PCSK2: variants seen among roughly 807,000 people sequenced by gnomAD.
The protein encoded by PCSK2 is neuroendocrine convertase 2.
A neutral mutation model predicts 69.7 loss-of-function variants in PCSK2; 14 were observed. The observed-to-expected ratio is 0.20, with a 90% CI of 0.13 to 0.31. The LOEUF (loss-of-function observed/expected upper bound fraction) is 0.31. PCSK2 is among the 10% of genes least tolerant of loss of function. The pLI is 1.00. For missense variants in PCSK2, 544 were observed against 842.5 expected, an observed-to-expected ratio of 0.65 and a Z score of 4.39; for synonymous variants, 307 against 320.7, an observed-to-expected ratio of 0.96 and a Z score of 0.46.
intron 2 of PCSK2, among the ~76,000 whole-genome samples, chr20:17,342,689 A>G (rs543705550): frequency 1.3e-5 from 2 of 151,850 alleles, no homozygotes; most frequent in East Asian, 1.9e-4. Flanking sequence ...ACTGGAGTAC[A>G]GTGGCACGAT....
chr20:17,348,552 G>A (rs1213204942), intron 2 of PCSK2, among the ~76,000 whole-genome samples: 2 of 152,324 alleles, frequency 1.3e-5, no homozygotes, highest in African/African-American at 2.4e-5. Flanking sequence ...GACTGCTGGA[G>A]TGTCGTGTCA....
intron 2 of PCSK2, among the ~76,000 whole-genome samples, chr20:17,307,888 T>C (rs1989377051): frequency 6.6e-6 from 1 of 152,214 alleles, no homozygotes; most frequent in Non-Finnish European, 1.5e-5. Flanking sequence ...TGGCTCATGG[T>C]TCTGCAGGCT....
At chr20:17,408,267 G>A (rs1039944986) in intron 5 of PCSK2, among the ~76,000 whole-genome samples, 1 of 152,026 alleles carries the variant, frequency 6.6e-6, no homozygotes, top group Admixed American at 6.6e-5. Flanking sequence ...GAACTTGAGA[G>A]AGAGCAGCTT....
chr20:17,248,175 G>GGT (rs10640964), intron 1 of PCSK2, among the ~76,000 whole-genome samples: 42,153 of 143,982 alleles, frequency 0.29, 6,380 homozygotes, highest in Admixed American at 0.39. Context: ...TATAAAAAAG[G>GGT]GTGTGTGTGT....
chr20:17,400,155 C>G (rs2031602359), intron 5 of PCSK2, among the ~76,000 whole-genome samples: 1 of 152,296 alleles, frequency 6.6e-6, no homozygotes, highest in South Asian at 2.1e-4. Flanking sequence ...AAATTATTAG[C>G]TAAATGTATA....
intron 2 of PCSK2, among the ~76,000 whole-genome samples, chr20:17,355,196 T>C (rs2030150872): frequency 6.6e-6 from 1 of 152,144 alleles, no homozygotes; most frequent in Non-Finnish European, 1.5e-5. Flanking sequence ...TCTAAATGAG[T>C]TTGGAGTGGT....
chr20:17,329,291 T>C (rs1990149508), intron 2 of PCSK2, among the ~76,000 whole-genome samples: 2 of 152,180 alleles, frequency 1.3e-5, no homozygotes, highest in Non-Finnish European at 2.9e-5. Context: ...TGGGCTGTTT[T>C]ACAAGATGCT....
At chr20:17,272,008 C>T (rs1324528415) in intron 2 of PCSK2, among the ~76,000 whole-genome samples, 1 of 152,118 alleles carries the variant, frequency 6.6e-6, no homozygotes, top group Non-Finnish European at 1.5e-5. Context: ...AAAGCTACTT[C>T]CTTGTAGCGT....
At chr20:17,269,410 A>T (rs1987770998) in intron 2 of PCSK2, among the ~76,000 whole-genome samples, 1 of 152,188 alleles carries the variant, frequency 6.6e-6, no homozygotes, top group South Asian at 2.1e-4. Flanking sequence ...GGTCAAGAGA[A>T]GACCAACTTT....
intron 5 of PCSK2, among the ~76,000 whole-genome samples, chr20:17,380,256 T>A (rs1210896196): frequency 6.6e-6 from 1 of 152,262 alleles, no homozygotes; most frequent in Non-Finnish European, 1.5e-5. Flanking sequence ...ACAAACTGAA[T>A]GACTTGCTGT....
chr20:17,268,062 T>TATATATATATAA (rs1403191827), intron 2 of PCSK2, among the ~76,000 whole-genome samples: 9 of 146,682 alleles, frequency 6.1e-5, no homozygotes, highest in African/African-American at 2.3e-4. Context: ...TATATATATA[T>TATATATATATAA]AATGCATTTA....
chr20:17,304,421 A>T (rs766225102), intron 2 of PCSK2, among the ~76,000 whole-genome samples: 4 of 152,198 alleles, frequency 2.6e-5, no homozygotes, highest in Admixed American at 6.5e-5. Flanking sequence ...AACATTCTTT[A>T]ATCAGCTTTT....
At chr20:17,376,045 C>T (rs1236268331) in intron 5 of PCSK2, among the ~76,000 whole-genome samples, 1 of 152,188 alleles carries the variant, frequency 6.6e-6, no homozygotes, top group Non-Finnish European at 1.5e-5. Flanking sequence ...CAACTGCCTA[C>T]CCACGCCTCT....
At chr20:17,353,157 T>A (rs1023239484) in intron 2 of PCSK2, among the ~76,000 whole-genome samples, 1 of 152,102 alleles carries the variant, frequency 6.6e-6, no homozygotes, top group Non-Finnish European at 1.5e-5. Flanking sequence ...ACAGTCAGAA[T>A]TGCTGATTAA....
chr20:17,310,658 G>A (rs926123359), intron 2 of PCSK2, among the ~76,000 whole-genome samples: 7 of 149,794 alleles, frequency 4.7e-5, no homozygotes, highest in Non-Finnish European at 8.9e-5. Context: ...TTATCTTTAT[G>A]TATCTAGTAG....
chr20:17,479,566 G>T lies in PCSK2; in HGVS notation c.1431-2018G>T, dbSNP rs185180649. ...TGTAATCTCAGCACTTTGGGAGGCCGAGGCAGGCGGATCACAAGGTCAGGA... is the reference window on the plus strand; with the variant it reads ...TGTAATCTCAGCACTTTGGGAGGCCTAGGCAGGCGGATCACAAGGTCAGGA... On this transcript the variant is annotated intron_variant, in intron 11 of 11. Coordinates refer to ENST00000262545, the MANE Select transcript of PCSK2 (RefSeq NM_002594.5). 3.8e-5 allele frequency: 11 copies of T among 285,868 alleles called. No homozygotes were observed. The East Asian group carries it at 9.5e-4, about 25-fold the overall frequency. The allele number at this position is 285,868 out of a possible 1,614,324, so 17.7% of individuals were successfully genotyped here.
At position 17,357,894 on chromosome 20, in the gene PCSK2, C is replaced by CAA. The variant is rs11429693; in HGVS notation, c.283-418_283-417dup. On this transcript the variant is annotated intron_variant, in intron 2 of 11. Coordinates refer to ENST00000262545, the MANE Select transcript of PCSK2 (RefSeq NM_002594.5). ...GGGCAACAAGAGCGAAACTCTGTCT[C>CAA]AAAAAAAAAAAAAAAAGAATACTTT... 8.0e-3 allele frequency among the ~76,000 whole-genome samples: 967 copies of CAA among 120,366 alleles called. 6 individuals carry two copies. Among genetic ancestry groups the CAA allele is most frequent in the African/African-American group, 0.022 (712 of 32,320 alleles). 79.0% of individuals were successfully genotyped at this position (120,366 alleles called of 152,430 possible).
intron 2 of PCSK2, among the ~76,000 whole-genome samples, chr20:17,344,328 C>G (rs546748971): frequency 1.1e-3 from 168 of 152,244 alleles, no homozygotes; most frequent in Non-Finnish European, 2.1e-3. Context: ...CCAAATATTT[C>G]AGACATATGC....
chr20:17,385,906 A>T (rs1467180985), intron 5 of PCSK2, among the ~76,000 whole-genome samples: 3 of 152,210 alleles, frequency 2.0e-5, no homozygotes, highest in Non-Finnish European at 4.4e-5. Flanking sequence ...TTGGTTGATG[A>T]TTAATATCAG....
Sources: allele counts gnomAD v4.1 joint callset (sites outside exome capture counted in the v4.1 genomes callset), GRCh38; gene constraint gnomAD v4.1.1; transcripts MANE v1.5; gene names NCBI Gene and HGNC (gene_info 2026-07-23, HGNC 2026-07-21).